TTN: variants seen among roughly 807,000 people sequenced by gnomAD.
TTN encodes connectin.
Under a neutral mutation model 3,223.0 loss-of-function variants are expected in TTN, and 1,525 were observed. That is an observed-to-expected ratio of 0.47 (90% CI 0.45 to 0.49). The LOEUF is 0.49. TTN is among the 20% of genes least tolerant of loss of function. The pLI is 0.00. For missense variants in TTN, 40,786 were observed against 43,424.0 expected (o/e 0.94, Z 5.40); for synonymous variants, 14,094 against 15,161.0 (o/e 0.93, Z 5.17).
Position 178,633,564 on chromosome 2 carries a change from A to G in TTN, c.42795T>C (p.Asp14265=), listed in dbSNP as rs750211026. 2.9e-5 allele frequency: 47 copies of G among 1,613,442 alleles called. No individual in the cohort carries two copies. Among genetic ancestry groups the G allele is most frequent in the Admixed American group, 2.0e-4 (12 of 59,984 alleles). ...SKDVPVKWFK[D]GEEIVPSPKY... Reference sequence around the variant, plus strand: ...TGGGTGAAGGGACAATCTCTTCACCATCTTTGAACCATTTCACTGGTACAT... The same window carrying G: ...TGGGTGAAGGGACAATCTCTTCACCGTCTTTGAACCATTTCACTGGTACAT... The change falls in exon 232 of 363, where the codon GAT becomes GAC. Residue 14265 remains aspartate (D), a synonymous_variant. Transcript: ENST00000589042.
rs1576609782 is a variant in TTN at position 178,625,519 on chromosome 2, C to G, written c.44425-123G>C. Reference sequence around the variant, plus strand: ...AGTTGTTTTATAATCATCTATTTAGCACGTATGCATTCAAAAATCATTTCA... The same window carrying G: ...AGTTGTTTTATAATCATCTATTTAGGACGTATGCATTCAAAAATCATTTCA... On this transcript the variant is annotated intron_variant, in intron 240 of 362. Transcript: ENST00000589042. 15 of 1,036,370 alleles carry G rather than the reference C, an allele frequency of 1.4e-5. No homozygotes were observed. The East Asian group carries it at 4.2e-4, about 29-fold the overall frequency. The allele number at this position is 1,036,370 out of a possible 1,614,324, so 64.2% of individuals were successfully genotyped here. A position where few individuals can be genotyped will look rare whatever the true frequency, so the allele number is the denominator to read the frequency against.
At chr2:178,647,655 T>C (rs1374098421) in intron 213 of TTN, among the ~76,000 whole-genome samples, 191 bp from the exon 214 acceptor site, 2 of 152,146 alleles carry the variant, frequency 1.3e-5, no homozygotes, top group Admixed American at 6.5e-5. Context: ...CATTTGCTTC[T>C]AGTCCTCTGT....
In TTN at chr2:178,753,319, C is replaced by T. The variant is rs1460949795; in HGVS notation, c.11255-139G>A. On this transcript the variant is annotated intron_variant, in intron 46 of 362. Coordinates refer to ENST00000589042, the MANE Select transcript of TTN (RefSeq NM_001267550.2). ...CATTCCCCAAATTTACCAAAAAGTC[C>T]ATGCCAAACAAACTATTGAGCTGAT... 7.9e-6 allele frequency: 5 copies of T among 635,350 alleles called. No individual in the cohort carries two copies. The African/African-American group carries it at 9.2e-5, about 12-fold the overall frequency. The allele number at this position is 635,350 out of a possible 1,614,324, so 39.4% of individuals were successfully genotyped here.
At chr2:178,804,926 T>A (rs578106869) in intron 1 of TTN, among the ~76,000 whole-genome samples, 6 of 152,114 alleles carry the variant, frequency 3.9e-5, no homozygotes, top group Non-Finnish European at 8.8e-5. Context: ...ACCCTAGTGG[T>A]CAAAGAGGGA....
chr2:178,626,813 C>T (rs1412024402), intron 240 of TTN, among the ~76,000 whole-genome samples: 1 of 151,826 alleles, frequency 6.6e-6, no homozygotes, highest in East Asian at 1.9e-4. Flanking sequence ...AAAGGTGTCT[C>T]AGTTTCTAAC....
At position 178,590,158 on chromosome 2, in the gene TTN, C is replaced by T. The variant is rs2049899591; in HGVS notation, c.61567G>A (p.Val20523Met). 6.2e-7 allele frequency: 1 copy of T among 1,613,010 alleles called. No individual in the cohort carries two copies. The highest frequency in any genetic ancestry group is 1.3e-5 in the African/African-American group (1 of 74,864). Reference protein sequence around the residue: ...EGKVLVREKRVDLIQDLPRVE... With the variant: ...EGKVLVREKRMDLIQDLPRVE... Reference sequence around the variant, plus strand: ...CGAGGTAGATCCTGAATAAGGTCCACCCTCTTTTCTCGGACCAATACTTTG... The same window carrying T: ...CGAGGTAGATCCTGAATAAGGTCCATCCTCTTTTCTCGGACCAATACTTTG... The change falls in exon 304 of 363, where the codon GTG becomes ATG. Residue 20523 changes from valine (V) to methionine (M), a missense_variant. By Grantham distance (21) the Val-to-Met change is conservative (BLOSUM62 1). Transcript: ENST00000589042.
intron 278 of TTN, 147 bp from the exon 279 acceptor site, chr2:178,605,860 C>A: frequency 1.5e-6 from 1 of 688,166 alleles, no homozygotes; most frequent in South Asian, 6.8e-5. Context: ...TAAAACTTGT[C>A]AGTTGCCAAA....
chr2:178,749,886 C>CT, intron 47 of TTN: 1 of 1,612,956 alleles, frequency 6.2e-7, no homozygotes. Context: ...GAATCCCCTT[C>CT]TCTACACCTG....
At chr2:178,719,951 G>T in intron 81 of TTN, 32 bp downstream of exon 81, 1 of 1,555,134 alleles carries the variant, frequency 6.4e-7, no homozygotes, top group Non-Finnish European at 8.7e-7. Flanking sequence ...CAAGTAAATT[G>T]ATTTTTTCTC....
rs2087756241 is a variant in TTN at position 178,757,765 on chromosome 2, A to G, written c.10455T>C (p.His3485=). The G allele has an allele frequency of 6.2e-7, 1 of 1,613,798 alleles. No individual in the cohort carries two copies. The change falls in exon 45 of 363, where the codon CAT becomes CAC. Residue 3485 remains histidine (H), a synonymous_variant. Coordinates refer to ENST00000589042, the MANE Select transcript of TTN (RefSeq NM_001267550.2). The part of the protein sequence containing the change: ...RVHNGETVRF[H]ARVSGIPKPE... ...GCTTGGGAATGCCAGAAACCCTCGC[A>G]TGAAATCTGACTGTCTCCCCGTTGT...
At chr2:178,630,691 A>T (rs968985364) in intron 238 of TTN, 113 bp downstream of exon 238, 1 of 1,466,020 alleles carries the variant, frequency 6.8e-7, no homozygotes, top group African/African-American at 1.4e-5. Context: ...TTAGGGTCTG[A>T]TAGAGAAACT....
At chr2:178,685,058 G>T (rs944850303) in intron 129 of TTN, 69 bp from the exon 130 acceptor site, 4 of 1,338,132 alleles carry the variant, frequency 3.0e-6, no homozygotes, top group Non-Finnish European at 4.2e-6. Context: ...GTGGGGCTTA[G>T]CATTCACTTT....
At chr2:178,671,218 T>C in intron 155 of TTN, 48 bp from the exon 156 acceptor site, 4 of 1,429,248 alleles carry the variant, frequency 2.8e-6, no homozygotes, top group Non-Finnish European at 2.8e-6. Flanking sequence ...TTGAAGTATT[T>C]TGGAGCACTA....
intron 354 of TTN, 93 bp downstream of exon 354, chr2:178,538,447 A>G (rs751847617): frequency 7.9e-7 from 1 of 1,266,354 alleles, no homozygotes; most frequent in Admixed American, 2.8e-5. Context: ...GCTCTCCAAT[A>G]AAGCTTTCCA....
At chr2:178,673,496 T>C (rs2067375191) in intron 152 of TTN, 137 bp downstream of exon 152, 4 of 553,428 alleles carry the variant, frequency 7.2e-6, no homozygotes, top group Non-Finnish European at 1.2e-5. Context: ...AGAAATGGAA[T>C]GAGTTATATT....
rs781410754 is a variant in TTN at position 178,727,751 on chromosome 2, C to G, written c.19827G>C (p.Lys6609Asn). 29 of 1,613,204 alleles carry G rather than the reference C, an allele frequency of 1.8e-5. No homozygotes were observed. The East Asian group carries it at 6.5e-4, about 36-fold the overall frequency. ...GACCTGAGACAAGTTCCACATCATC[C>G]TTAAACCATTTTATTTTAAATGGTG... The part of the protein sequence containing the change: ...GTPPFKIKWF[K>N]DDVELVSGPK... The change falls in exon 68 of 363, where the codon AAG (lysine) becomes AAC (asparagine). Residue 6609 changes from lysine (K) to asparagine (N), a missense_variant. Coordinates refer to ENST00000589042, the MANE Select transcript of TTN (RefSeq NM_001267550.2).
Position 178,616,543 on chromosome 2 carries a change from CCAT to C in TTN, c.48245_48247del (p.Asp16082del), listed in dbSNP as rs761796630. On this transcript the variant is annotated inframe_deletion, in exon 257 of 363. Transcript: ENST00000589042. Reference sequence around the variant, plus strand: ...AACGTATCCAGTTAACGGACTTCCTCCATCATCATCAGGTGGTTCCCAAGTCAA... The same window carrying C: ...AACGTATCCAGTTAACGGACTTCCTCCATCATCAGGTGGTTCCCAAGTCAA... 6.2e-7 allele frequency: 1 copy of C among 1,612,424 alleles called. No homozygotes were observed.
chr2:178,547,665 C>G lies in TTN; in HGVS notation c.93961G>C (p.Val31321Leu). ...PVTGPIEVSS[V>L]SAESCVLSWG... ...GACAGGACACACGATTCAGCTGAGA[C>G]AGATGAGACCTCAATGGGGCCGGTT... Residue 31321 changes from valine to leucine, a missense_variant, in exon 339 of 363, where the codon GTC becomes CTC. By Grantham distance (32) the Val-to-Leu change is conservative. Coordinates refer to ENST00000589042, the MANE Select transcript of TTN (RefSeq NM_001267550.2). The G allele has an allele frequency of 6.2e-7, 1 of 1,613,920 alleles. No individual in the cohort carries two copies. The highest frequency in any genetic ancestry group is 8.5e-7 in the Non-Finnish European group (1 of 1,179,832).
chr2:178,648,654 C>G (rs962121987), intron 213 of TTN, among the ~76,000 whole-genome samples: 20 of 152,166 alleles, frequency 1.3e-4, no homozygotes, highest in African/African-American at 4.6e-4. Context: ...AAGTGATCCA[C>G]CCACCTTGGC....
Sources: allele counts gnomAD v4.1 joint callset (sites outside exome capture counted in the v4.1 genomes callset), GRCh38; gene constraint gnomAD v4.1.1; transcripts MANE v1.5; gene names NCBI Gene and HGNC (gene_info 2026-07-23, HGNC 2026-07-21).